CRACD: variants seen among roughly 807,000 people sequenced by gnomAD.
The protein encoded by CRACD is capping protein inhibiting regulator of actin dynamics.
CRACD carries 56 observed loss-of-function variants against 106.8 expected under a neutral mutation model. The observed-to-expected ratio is 0.52, with a 90% CI of 0.42 to 0.66. CRACD has a LOEUF of 0.66. CRACD is among the 30% of genes least tolerant of loss of function. CRACD has a pLI of 0.00. For missense variants in CRACD, 1,730 were observed against 1,623.2 expected (o/e 1.07, Z -1.13); for synonymous variants, 754 against 670.8 (o/e 1.12, Z -1.92).
intron 1 of CRACD, among the ~76,000 whole-genome samples, chr4:56,101,882 G>A (rs956617063): frequency 1.3e-5 from 2 of 151,724 alleles, no homozygotes; most frequent in African/African-American, 4.8e-5. Flanking sequence ...ATTCCACTCA[G>A]ATTTGTTTAG....
chr4:56,321,680 T>G (rs995249868), intron 8 of CRACD, among the ~76,000 whole-genome samples: 1 of 152,250 alleles, frequency 6.6e-6, no homozygotes, highest in Non-Finnish European at 1.5e-5. Context: ...GAATTCTTTT[T>G]GATTTTCTGG....
chr4:56,215,317 G>C (rs1315308940), intron 2 of CRACD, among the ~76,000 whole-genome samples: 2 of 152,110 alleles, frequency 1.3e-5, no homozygotes, highest in East Asian at 3.9e-4. Context: ...CACTGTGCCT[G>C]GCTCATATGT....
rs564342341 is a variant in CRACD, at chr4:56,316,229, G to A, written c.2727G>A (p.Glu909=). 7 of 1,614,008 alleles carry A rather than the reference G, an allele frequency of 4.3e-6. No individual in the cohort carries two copies. In the East Asian group the frequency reaches 1.6e-4, roughly 36 times the overall value. ...AGCATGGTCCATCCCTCCCCCAAGA[G>A]CGGAAGCAAGCCCCTTCCACCCGGA... ...ALKHGPSLPQ[E]RKQAPSTRRD... The change falls in exon 8 of 11, where the codon GAG becomes GAA. Residue 909 remains glutamate (E), a synonymous_variant. Coordinates refer to ENST00000682029, the MANE Select transcript of CRACD (RefSeq NM_001393381.1).
At chr4:56,205,578 G>A (rs979221497) in intron 2 of CRACD, among the ~76,000 whole-genome samples, 3 of 152,102 alleles carry the variant, frequency 2.0e-5, no homozygotes, top group Non-Finnish European at 2.9e-5. Context: ...GTGTGTTGGG[G>A]AGAAGGCTGA....
chr4:56,175,702 GGATA>G (rs1202101949), intron 1 of CRACD, among the ~76,000 whole-genome samples: 1 of 152,134 alleles, frequency 6.6e-6, no homozygotes, highest in Non-Finnish European at 1.5e-5. Context: ...CTCGTCAGAT[GGATA>G]GTTTGCAAAT....
chr4:56,307,481 G>T lies in CRACD; in HGVS notation c.121-54G>T, dbSNP rs1577888987. ...AGACATGCTGGAGAACCTGGTTGTGGTGGTTGTGAACTGCTTCACTGCTTC... is the reference window on the plus strand; with the variant it reads ...AGACATGCTGGAGAACCTGGTTGTGTTGGTTGTGAACTGCTTCACTGCTTC... On this transcript the variant is annotated intron_variant, in intron 4 of 10. Coordinates refer to ENST00000682029, the MANE Select transcript of CRACD (RefSeq NM_001393381.1). 3 of 1,585,580 alleles carry T rather than the reference G, an allele frequency of 1.9e-6. 1 individual carries two copies.
In CRACD at chr4:56,313,124, T is replaced by G. The variant is rs1745260994; in HGVS notation, c.355-73T>G. 3 of 1,355,096 alleles carry G rather than the reference T, an allele frequency of 2.2e-6. No homozygotes were observed. The South Asian group carries it at 3.8e-5, about 17-fold the overall frequency. The allele number at this position is 1,355,096 out of a possible 1,614,324, so 83.9% of individuals were successfully genotyped here. Reference sequence around the variant, plus strand: ...TGGGCGAGGCGCACACTGGAACGAGTGCCACCGTTCTGCGATTCCCTGCAG... The same window carrying G: ...TGGGCGAGGCGCACACTGGAACGAGGGCCACCGTTCTGCGATTCCCTGCAG... On this transcript the variant is annotated intron_variant, in intron 6 of 10. Coordinates refer to ENST00000682029, the MANE Select transcript of CRACD (RefSeq NM_001393381.1).
Position 56,315,176 on chromosome 4 carries a change from G to C in CRACD, c.1674G>C (p.Val558=). 1 of 1,598,912 alleles carries C rather than the reference G, an allele frequency of 6.3e-7. No individual in the cohort carries two copies. Among genetic ancestry groups the C allele is most frequent in the Non-Finnish European group, 8.5e-7 (1 of 1,173,412 alleles). The part of the protein sequence containing the change: ...ILFPKVNLSP[V]TPAKDTGLTA... ...TTCCCAAAGTCAACCTGAGCCCCGTGACGCCCGCAAAGGACACGGGGCTCA... is the reference window on the plus strand; with the variant it reads ...TTCCCAAAGTCAACCTGAGCCCCGTCACGCCCGCAAAGGACACGGGGCTCA... The change falls in exon 8 of 11, where the codon GTG becomes GTC. Residue 558 remains valine (V), a synonymous_variant. Coordinates refer to ENST00000682029, the MANE Select transcript of CRACD (RefSeq NM_001393381.1). The surrounding 1 kb of genome is among the most constrained non-coding windows in gnomAD (Gnocchi z 4.1).
At chr4:56,211,837 A>G (rs1161064619) in intron 2 of CRACD, among the ~76,000 whole-genome samples, 1 of 152,224 alleles carries the variant, frequency 6.6e-6, no homozygotes, top group East Asian at 1.9e-4. Flanking sequence ...GGAAAGCATG[A>G]CAAATGGGAA....
chr4:56,139,618 A>G (rs1252852660), intron 1 of CRACD, among the ~76,000 whole-genome samples: 6 of 152,360 alleles, frequency 3.9e-5, no homozygotes, highest in Non-Finnish European at 8.8e-5. Context: ...AGCCTGCCTC[A>G]GAAGGCGTGC....
At position 56,233,414 on chromosome 4, in the gene CRACD, G is replaced by GT. The variant is rs1056442825; in HGVS notation, c.-188-38897dup. 6.4e-4 allele frequency among the ~76,000 whole-genome samples: 95 copies of GT among 149,498 alleles called. 1 individual carries two copies. The highest frequency in any genetic ancestry group is 1.7e-3 in the African/African-American group (70 of 40,796). On this transcript the variant is annotated intron_variant, in intron 2 of 10. Transcript: ENST00000682029. ...GCATCACTGTGCATAGGAATATACA[G>GT]TTTTTTTTTTAACCATCATTTGTTG...
intron 5 of CRACD, among the ~76,000 whole-genome samples, chr4:56,309,682 C>T (rs1013084546): frequency 3.9e-5 from 6 of 151,986 alleles, no homozygotes; most frequent in Non-Finnish European, 1.5e-5. Context: ...GGTGAAACCC[C>T]ATCTCTACTA....
At position 56,328,344 on chromosome 4, in the gene CRACD, C is replaced by T; in HGVS notation, c.*540C>T. 1.9e-6 allele frequency: 1 copy of T among 518,922 alleles called. No individual in the cohort carries two copies. Among genetic ancestry groups the T allele is most frequent in the South Asian group, 1.4e-5 (1 of 71,558 alleles). 32.1% of individuals were successfully genotyped at this position (518,922 alleles called of 1,614,324 possible). A position where few individuals can be genotyped will look rare whatever the true frequency, so the allele number is the denominator to read the frequency against. On this transcript the variant is annotated 3_prime_UTR_variant, in exon 11 of 11. Transcript: ENST00000682029. ...GGGAATCACAAGGAACATTCTGGCA[C>T]CCAACTGTGCCCATCTTAGTTTTCA...
chr4:56,076,721 C>T (rs1732852225), intron 1 of CRACD, among the ~76,000 whole-genome samples: 1 of 152,172 alleles, frequency 6.6e-6, no homozygotes, highest in African/African-American at 2.4e-5. Flanking sequence ...TCTGGCCCTC[C>T]AGTGTGCTTT....
intron 2 of CRACD, among the ~76,000 whole-genome samples, chr4:56,187,329 T>C (rs979172806): frequency 2.6e-5 from 4 of 152,078 alleles, no homozygotes; most frequent in African/African-American, 7.2e-5. Context: ...TCGAGCTGTC[T>C]TGAAAGATGA....
chr4:56,051,698 G>A (rs1001552050), intron 1 of CRACD, among the ~76,000 whole-genome samples: 5 of 152,054 alleles, frequency 3.3e-5, no homozygotes, highest in Admixed American at 6.6e-5. Flanking sequence ...AGAAAATCAC[G>A]CTGGAATTAG....
intron 1 of CRACD, among the ~76,000 whole-genome samples, chr4:56,149,136 T>C (rs1377207486): frequency 6.6e-6 from 1 of 152,178 alleles, no homozygotes; most frequent in Non-Finnish European, 1.5e-5. Flanking sequence ...TTTTAATAAA[T>C]GTATGTAAAC....
chr4:56,275,885 C>T lies in CRACD; in HGVS notation c.-17+3393C>T, dbSNP rs1742645777. Among the ~76,000 whole-genome samples the T allele has an allele frequency of 3.3e-5, 5 of 152,256 alleles. No homozygotes were observed. The South Asian group carries it at 1.0e-3, about 32-fold the overall frequency. ...GAAAATGGGAGGCTTGGCATGTGCC[C>T]ACAAAGGTTGAGGCCAGTGAAGGTG... On this transcript the variant is annotated intron_variant, in intron 3 of 10. Coordinates refer to ENST00000682029, the MANE Select transcript of CRACD (RefSeq NM_001393381.1).
intron 1 of CRACD, among the ~76,000 whole-genome samples, chr4:56,052,593 G>A (rs1560436658): frequency 1.3e-5 from 2 of 152,222 alleles, no homozygotes; most frequent in East Asian, 1.9e-4. Context: ...TCATGGTCAC[G>A]TTACTGTGTG....
Sources: allele counts gnomAD v4.1 joint callset (sites outside exome capture counted in the v4.1 genomes callset), GRCh38; gene constraint gnomAD v4.1.1; non-coding constraint Gnocchi (gnomAD v3.1); transcripts MANE v1.5; gene names NCBI Gene and HGNC (gene_info 2026-07-23, HGNC 2026-07-21).